TRAF1: variants seen among roughly 807,000 people sequenced by gnomAD.
TRAF1 encodes TNF receptor-associated factor 1.
In TRAF1, 23 loss-of-function variants were observed where a neutral mutation model predicts 40.9. The ratio of observed to expected loss-of-function variants is 0.56; its 90% CI spans 0.40 to 0.80. The LOEUF (loss-of-function observed/expected upper bound fraction) is 0.80, where lower values mean the gene tolerates loss of function less well. Ranked by LOEUF, TRAF1 falls within the 30% of genes least tolerant of loss-of-function variation. The pLI is 0.00. For synonymous variants in TRAF1, 206 were observed against 218.8 expected (o/e 0.94, Z 0.52); for missense variants, 477 against 528.7 (o/e 0.90, Z 0.96).
At chr9:120,924,111 C>T (rs1426677915) in intron 2 of TRAF1, among the ~76,000 whole-genome samples, 8 of 152,110 alleles carry the variant, frequency 5.3e-5, no homozygotes, top group Non-Finnish European at 1.5e-5. Context: ...AGGGCACTGC[C>T]GCATTCCCTG....
At chr9:120,925,834 G>A in intron 2 of TRAF1, 102 bp downstream of exon 2, 1 of 1,536,716 alleles carries the variant, frequency 6.5e-7, no homozygotes. Context: ...GAGAAGAAAA[G>A]TCACCGCCTG....
intron 3 of TRAF1, among the ~76,000 whole-genome samples, chr9:120,916,137 T>C (rs557689457): frequency 9.8e-4 from 150 of 152,348 alleles, no homozygotes; most frequent in African/African-American, 3.4e-3. Flanking sequence ...AATACCAGCA[T>C]AAATAATAAC....
At chr9:120,914,880 C>T (rs1169914785) in intron 3 of TRAF1, among the ~76,000 whole-genome samples, 6 of 152,170 alleles carry the variant, frequency 3.9e-5, no homozygotes, top group African/African-American at 7.2e-5. Flanking sequence ...CAATTTGACC[C>T]CACTGTTAGC....
rs1034384942 is a variant in TRAF1, at chr9:120,902,932, C to T, written c.*2088G>A. 1.1e-4 allele frequency: 16 copies of T among 152,326 alleles called. No individual in the cohort carries two copies. Among genetic ancestry groups the T allele is most frequent in the African/African-American group, 3.6e-4 (15 of 41,554 alleles). The allele number at this position is 152,326 out of a possible 1,614,324, so 9.4% of individuals were successfully genotyped here. On this transcript the variant is annotated 3_prime_UTR_variant, in exon 8 of 8. Transcript: ENST00000373887. ...TGAAAGAATGGCTGCATCTCATGCTCTTTGAAGAGAGTATGTATCTCTTGC... is the reference window on the plus strand; with the variant it reads ...TGAAAGAATGGCTGCATCTCATGCTTTTTGAAGAGAGTATGTATCTCTTGC...
intron 3 of TRAF1, chr9:120,914,705 T>A (rs2046557500): frequency 2.4e-6 from 1 of 419,246 alleles, no homozygotes; most frequent in Non-Finnish European, 3.2e-6. Context: ...AATGCCTCCC[T>A]CCTCCTGAAG....
At chr9:120,911,574 G>A in intron 5 of TRAF1, 61 bp from the exon 6 acceptor site, 1 of 1,564,778 alleles carries the variant, frequency 6.4e-7, no homozygotes, top group African/African-American at 1.3e-5. Context: ...GGATGGGAAT[G>A]GCGGGATGTG....
At chr9:120,921,881 G>C (rs1027081280) in intron 3 of TRAF1, among the ~76,000 whole-genome samples, 1 of 152,166 alleles carries the variant, frequency 6.6e-6, no homozygotes, top group Non-Finnish European at 1.5e-5. Context: ...CTGGTCCAGC[G>C]GTAGGGGGAT....
intron 3 of TRAF1, chr9:120,914,516 T>C (rs2046556096): frequency 1.3e-5 from 16 of 1,187,454 alleles, no homozygotes; most frequent in African/African-American, 4.7e-5. Flanking sequence ...ACTGTGATCC[T>C]GGGCAGCACT....
chr9:120,909,098 T>TA, intron 7 of TRAF1, 132 bp downstream of exon 7: 2 of 1,190,490 alleles, frequency 1.7e-6, no homozygotes, highest in Non-Finnish European at 2.4e-6. Flanking sequence ...GATTGTTTTA[T>TA]AAAAAGGGAA....
chr9:120,923,847 C>T (rs1564121973), intron 2 of TRAF1, 55 bp from the exon 3 acceptor site: 4 of 1,510,702 alleles, frequency 2.6e-6, no homozygotes, highest in Non-Finnish European at 3.7e-6. Flanking sequence ...CCTGCACCAT[C>T]CACTCTCCTG....
chr9:120,915,894 A>T (rs2046566154), intron 3 of TRAF1, among the ~76,000 whole-genome samples: 1 of 152,238 alleles, frequency 6.6e-6, no homozygotes, highest in Admixed American at 6.5e-5. Context: ...TTATAAAGTT[A>T]AATCATACTT....
chr9:120,925,052 C>A (rs1016314610), intron 2 of TRAF1, among the ~76,000 whole-genome samples: 1 of 152,270 alleles, frequency 6.6e-6, no homozygotes, highest in Admixed American at 6.5e-5. Context: ...CTTTCCACGG[C>A]CACAGCCTCT....
intron 2 of TRAF1, among the ~76,000 whole-genome samples, chr9:120,924,777 A>C (rs2046627927): frequency 6.6e-6 from 1 of 152,190 alleles, no homozygotes; most frequent in African/African-American, 2.4e-5. Flanking sequence ...GAGATAGTCT[A>C]TTTTACAAGT....
In TRAF1 at chr9:120,914,416, G is replaced by T. The variant is rs190100830; in HGVS notation, c.229-116C>A. 11 of 1,268,316 alleles carry T rather than the reference G, an allele frequency of 8.7e-6. No homozygotes were observed. In the African/African-American group the frequency reaches 1.5e-4, roughly 18 times the overall value. The allele number at this position is 1,268,316 out of a possible 1,614,324, so 78.6% of individuals were successfully genotyped here. A position where few individuals can be genotyped will look rare whatever the true frequency, so the allele number is the denominator to read the frequency against. On this transcript the variant is annotated intron_variant, in intron 3 of 7. Coordinates refer to ENST00000373887, the MANE Select transcript of TRAF1 (RefSeq NM_005658.5). ...GAGATGGCTTGGGCCACATGACTTTGCACACTGCTGTTCCCTTTGGCTATC... is the reference window on the plus strand; with the variant it reads ...GAGATGGCTTGGGCCACATGACTTTTCACACTGCTGTTCCCTTTGGCTATC...
At chr9:120,924,454 GC>G (rs3216671) in intron 2 of TRAF1, among the ~76,000 whole-genome samples, 21,505 of 151,934 alleles carry the variant, frequency 0.14, 2,240 homozygotes, top group African/African-American at 0.29. Context: ...TTACTCTGTA[GC>G]CCAGGCTGGA....
chr9:120,914,393 G>T (rs1588150525), intron 3 of TRAF1, 93 bp from the exon 4 acceptor site: 1 of 1,289,716 alleles, frequency 7.8e-7, no homozygotes, highest in Non-Finnish European at 9.9e-7. Context: ...CAGGGCAGGA[G>T]ATGGCTTGGG....
Position 120,911,373 on chromosome 9 carries a change from C to A in TRAF1, c.846G>T (p.Glu282Asp). 1 of 1,613,654 alleles carries A rather than the reference C, an allele frequency of 6.2e-7. No individual in the cohort carries two copies. Among genetic ancestry groups the A allele is most frequent in the African/African-American group, 1.3e-5 (1 of 75,068 alleles). Reference protein sequence around the residue: ...KITNVTRRCHESACGRTVSLF... With the variant: ...KITNVTRRCHDSACGRTVSLF... ...GGCTGACGGTCCTGCCACAGGCCGA[C>A]TCATGGCACCGCCTGGTGACATTGG... is the stretch of plus-strand genomic sequence containing the variant. Residue 282 changes from glutamate to aspartate, a missense_variant, in exon 6 of 8, where the codon GAG (glutamate) becomes GAT (aspartate). Glu to Asp is a conservative substitution (Grantham distance 45, BLOSUM62 2). Coordinates refer to ENST00000373887, the MANE Select transcript of TRAF1 (RefSeq NM_005658.5).
chr9:120,917,443 C>G (rs1000269439), intron 3 of TRAF1, among the ~76,000 whole-genome samples: 10 of 152,146 alleles, frequency 6.6e-5, no homozygotes, highest in African/African-American at 2.4e-4. Flanking sequence ...AATAATAATA[C>G]CCCCTTACAG....
chr9:120,925,675 A>G (rs1588154265), intron 2 of TRAF1, among the ~76,000 whole-genome samples: 2 of 152,356 alleles, frequency 1.3e-5, no homozygotes, highest in South Asian at 2.1e-4. Flanking sequence ...ACACAGTGAG[A>G]CAGTGGCCTC....
Sources: gnomAD v4.1 joint callset for allele counts (sites outside exome capture counted in the v4.1 genomes callset) on GRCh38, gnomAD v4.1.1 for gene constraint, MANE v1.5 for transcripts, NCBI Gene and HGNC (gene_info 2026-07-23, HGNC 2026-07-21) for gene names.